The following NPAS4 variants were observed in gnomAD, a reference collection of about 807,000 sequenced individuals.
NPAS4 encodes neuronal PAS domain-containing protein 4.
In NPAS4, 10 loss-of-function variants were observed where a neutral mutation model predicts 64.0. That is an observed-to-expected ratio of 0.16 (90% confidence interval 0.10 to 0.26). NPAS4 has a LOEUF of 0.26. NPAS4 is among the 10% of genes least tolerant of loss of function. The probability of loss-of-function intolerance (pLI) is 1.00; values close to 1 mark genes in which losing one functional copy is unlikely to be tolerated. For missense variants in NPAS4, 886 were observed against 992.6 expected (o/e 0.89, Z 1.44); for synonymous variants, 441 against 411.7 (o/e 1.07, Z -0.86).
rs569596792 is a variant in NPAS4, at chr11:66,422,801, C to T, written c.558C>T (p.Pro186=). 1.2e-6 allele frequency: 2 copies of T among 1,614,202 alleles called. No homozygotes were observed. Among genetic ancestry groups the T allele is most frequent in the South Asian group, 2.2e-5 (2 of 91,088 alleles). Residue 186 remains proline, a synonymous_variant, in exon 4 of 8, where the codon CCC becomes CCT. Transcript: ENST00000311034. ...HPPGAYWAGN[P]VFTAFCAPLE... ...CTGGAGCCTACTGGGCAGGAAATCC[C>T]GTGTTCACAGCTTTCTGTGCCCCTC...
At position 66,424,723 on chromosome 11, in the gene NPAS4, A is replaced by C; in HGVS notation, c.1833A>C (p.Thr611=). Residue 611 remains threonine, a synonymous_variant, in exon 7 of 8, where the codon ACA becomes ACC. Coordinates refer to ENST00000311034, the MANE Select transcript of NPAS4 (RefSeq NM_178864.4). Reference sequence around the variant, plus strand: ...CCCTGGTGCCCGAAGGCCTGCTCACACCTGAGGCCTCTCCAGTCAAGCAGA... The same window carrying C: ...CCCTGGTGCCCGAAGGCCTGCTCACCCCTGAGGCCTCTCCAGTCAAGCAGA... ...DVPLVPEGLL[T]PEASPVKQSF... 1 of 1,613,404 alleles carries C rather than the reference A, an allele frequency of 6.2e-7. No homozygotes were observed. The highest frequency in any genetic ancestry group is 8.5e-7 in the Non-Finnish European group (1 of 1,179,734).
chr11:66,409,303 A>G, the NPAS4 span: 1 of 135,510 alleles, frequency 7.4e-6, no homozygotes, highest in Non-Finnish European at 1.6e-5. Context: ...CTATGGAGAC[A>G]TTTCAACCAG....
rs1590694568 is a variant in NPAS4, at chr11:66,422,913, G to A, written c.670G>A (p.Asp224Asn). The change falls in exon 4 of 8, where the codon GAC (aspartate) becomes AAC (asparagine). Residue 224 changes from aspartate to asparagine, a missense_variant. By Grantham distance (23) the Asp-to-Asn change is conservative (BLOSUM62 1). This residue lies in a region of NPAS4 where 820 missense variants were observed against 855.5 expected (regional missense o/e 0.96). Transcript: ENST00000311034. Reference protein sequence around the residue: ...LAMFQSRHAKDLALLDISESV... With the variant: ...LAMFQSRHAKNLALLDISESV... ...CATGTTCCAGAGCCGCCATGCTAAA[G>A]ACCTGGCTCTACTGGACATCTCCGA... 6.2e-7 allele frequency: 1 copy of A among 1,607,252 alleles called. No individual in the cohort carries two copies. Among genetic ancestry groups the A allele is most frequent in the African/African-American group, 1.3e-5 (1 of 74,936 alleles).
At position 66,426,133 on chromosome 11, in the gene NPAS4, G is replaced by T. The variant is rs564057244; in HGVS notation, c.*144G>T. On this transcript the variant is annotated 3_prime_UTR_variant, in exon 8 of 8. Transcript: ENST00000311034. ...TCCCCAGGCCCTGCAGGATTTTGGG[G>T]GGGGGGAGGTGGGAGGGCAAGGGAG... The T allele has an allele frequency of 1.5e-5, 7 of 471,922 alleles. No individual in the cohort carries two copies. The highest frequency in any genetic ancestry group is 2.1e-5 in the South Asian group (1 of 47,538). The allele number at this position is 471,922 out of a possible 1,614,324, so 29.2% of individuals were successfully genotyped here.
Position 66,424,906 on chromosome 11 carries a change from G to C in NPAS4, c.2016G>C (p.Leu672=). Residue 672 remains leucine, a synonymous_variant, in exon 7 of 8, where the codon CTG becomes CTC. Coordinates refer to ENST00000311034, the MANE Select transcript of NPAS4 (RefSeq NM_178864.4). ...GACTGGAGCCCCTGGACTCCAACCTGTCCCTGTCAGGGGCAGGCCCCCCTG... is the reference window on the plus strand; with the variant it reads ...GACTGGAGCCCCTGGACTCCAACCTCTCCCTGTCAGGGGCAGGCCCCCCTG... The part of the protein sequence containing the change: ...LGGLEPLDSN[L]SLSGAGPPVL... 6.2e-7 allele frequency: 1 copy of C among 1,613,862 alleles called. No homozygotes were observed. Among genetic ancestry groups the C allele is most frequent in the Admixed American group, 1.7e-5 (1 of 59,996 alleles).
chr11:66,422,440 C>T lies in NPAS4; in HGVS notation c.328-11C>T. The T allele has an allele frequency of 6.3e-7, 1 of 1,599,430 alleles. No homozygotes were observed. Among genetic ancestry groups the T allele is most frequent in the Non-Finnish European group, 8.6e-7 (1 of 1,166,674 alleles). On this transcript the variant is annotated splice_polypyrimidine_tract_variant and intron_variant, in intron 2 of 7. Coordinates refer to ENST00000311034, the MANE Select transcript of NPAS4 (RefSeq NM_178864.4). ...CTCCCTAATGGTCATCTCTTCTTTTCCTCCCTCCAGGTGGACCTGGTTGCC... is the reference window on the plus strand; with the variant it reads ...CTCCCTAATGGTCATCTCTTCTTTTTCTCCCTCCAGGTGGACCTGGTTGCC...
chr11:66,421,253 A>T lies in NPAS4; in HGVS notation c.74A>T (p.Glu25Val), dbSNP rs780877266. The T allele has an allele frequency of 3.7e-6, 6 of 1,613,996 alleles. No homozygotes were observed. The South Asian group carries it at 5.5e-5, about 15-fold the overall frequency. The change falls in exon 1 of 8, where the codon GAG (glutamate) becomes GTG (valine). Residue 25 changes from glutamate (E) to valine (V), a missense_variant. By Grantham distance (121) the Glu-to-Val change is moderately radical (BLOSUM62 -2). This residue lies in a region of NPAS4 where 38 missense variants were observed against 80.1 expected (regional missense o/e 0.47). Coordinates refer to ENST00000311034, the MANE Select transcript of NPAS4 (RefSeq NM_178864.4). ...AACGCCGAGATCCGGAACCTCAAGG[A>T]GCTGCTGCCGCTGGCCGAAGCGGAC... Reference protein sequence around the residue: ...QINAEIRNLKELLPLAEADKV... With the variant: ...QINAEIRNLKVLLPLAEADKV...
In NPAS4 at chr11:66,425,196, C is replaced by A; in HGVS notation, c.2306C>A (p.Ser769Ter). ...TYETAFETGVSAFPYDGFTDE... is the reference protein window; with the variant it reads ...TYETAFETGV Reference sequence around the variant, plus strand: ...GAAACCGCCTTTGAGACAGGTGTCTCAGCATTCCCCTATGATGGGTTTACT... The same window carrying A: ...GAAACCGCCTTTGAGACAGGTGTCTAAGCATTCCCCTATGATGGGTTTACT... Residue 769 changes from serine to a stop codon, truncating the protein, a stop_gained, in exon 7 of 8, where the codon TCA (serine) becomes TAA (stop). Coordinates refer to ENST00000311034, the MANE Select transcript of NPAS4 (RefSeq NM_178864.4). LOFTEE classifies it high-confidence loss of function. The A allele has an allele frequency of 6.4e-7, 1 of 1,571,034 alleles. No individual in the cohort carries two copies.
At chr11:66,418,857 A>G (rs919201791), upstream of NPAS4, among the ~76,000 whole-genome samples, 1 of 152,140 alleles carries the variant, frequency 6.6e-6, no homozygotes, top group Non-Finnish European at 1.5e-5. Flanking sequence ...CATGACTTCC[A>G]TGGTGACTCT....
intron 2 of NPAS4, 30 bp downstream of exon 2, chr11:66,422,301 C>G (rs1285222517): frequency 6.2e-7 from 1 of 1,612,010 alleles, no homozygotes; most frequent in Non-Finnish European, 8.5e-7. Context: ...TCAGCTGAGG[C>G]TGGGCATGGA....
Position 66,421,140 on chromosome 11 carries a change from G to T in NPAS4, c.-40G>T. On this transcript the variant is annotated 5_prime_UTR_variant, in exon 1 of 8. Transcript: ENST00000311034. ...CCGGTGCGTCGGGACGGGAGCGCAG[G>T]TGCTCGGGCACCCGAGCTGGAGCTC... The T allele has an allele frequency of 1.3e-6, 2 of 1,549,464 alleles. No homozygotes were observed. The highest frequency in any genetic ancestry group is 1.7e-6 in the Non-Finnish European group (2 of 1,143,370).
Position 66,422,291 on chromosome 11 carries a change from T to G in NPAS4, c.327+20T>G. On this transcript the variant is annotated intron_variant, in intron 2 of 7. Transcript: ENST00000311034. Reference sequence around the variant, plus strand: ...TCCATGGTGAGTGCTAAGGGTCCTTTCAGCTGAGGCTGGGCATGGAGTGGG... The same window carrying G: ...TCCATGGTGAGTGCTAAGGGTCCTTGCAGCTGAGGCTGGGCATGGAGTGGG... 1 of 1,613,408 alleles carries G rather than the reference T, an allele frequency of 6.2e-7. No homozygotes were observed. Among genetic ancestry groups the G allele is most frequent in the South Asian group, 1.1e-5 (1 of 91,084 alleles).
the NPAS4 span, among the ~76,000 whole-genome samples, chr11:66,413,408 G>C: frequency 6.6e-6 from 1 of 152,232 alleles, no homozygotes; most frequent in Non-Finnish European, 1.5e-5. Context: ...ACAGGCTGGA[G>C]GGCTTACCAG....
chr11:66,412,883 C>T, the NPAS4 span, among the ~76,000 whole-genome samples: 1 of 152,374 alleles, frequency 6.6e-6, no homozygotes, highest in Non-Finnish European at 1.5e-5. Flanking sequence ...GTCTCTCCCA[C>T]TGCCTCTTGA....
At chr11:66,412,611 A>T in the NPAS4 span, among the ~76,000 whole-genome samples, 5 of 152,238 alleles carry the variant, frequency 3.3e-5, no homozygotes, top group Non-Finnish European at 7.3e-5. Context: ...TGCTCCTTTT[A>T]TGCATCAGGC....
In NPAS4 at chr11:66,424,031, C is replaced by A. The variant is rs570079157; in HGVS notation, c.1141C>A (p.Leu381Met). Reference protein sequence around the residue: ...RSTSFPSAPELSVVSASEELP... With the variant: ...RSTSFPSAPEMSVVSASEELP... ...CACCAGCTTCCCCAGTGCTCCTGAA[C>A]TGAGTGTTGTCTCTGCATCAGAAGA... Residue 381 changes from leucine (L) to methionine (M), a missense_variant, in exon 7 of 8, where the codon CTG (leucine) becomes ATG (methionine). Transcript: ENST00000311034. The A allele has an allele frequency of 3.7e-6, 6 of 1,614,182 alleles. No individual in the cohort carries two copies. In the African/African-American group the frequency reaches 8.0e-5, roughly 22 times the overall value.
In NPAS4 at chr11:66,424,395, C is replaced by T; in HGVS notation, c.1505C>T (p.Thr502Ile). 6.2e-7 allele frequency: 1 copy of T among 1,614,090 alleles called. No individual in the cohort carries two copies. Among genetic ancestry groups the T allele is most frequent in the Non-Finnish European group, 8.5e-7 (1 of 1,179,986 alleles). Residue 502 changes from threonine (T) to isoleucine (I), a missense_variant, in exon 7 of 8, where the codon ACT becomes ATT. Physicochemically the swap from Thr to Ile is moderately conservative, Grantham distance 89. This residue lies in a region of NPAS4 where 820 missense variants were observed against 855.5 expected (regional missense o/e 0.96). Transcript: ENST00000311034. ...TSVRSYEDQL[T>I]PCTSTFPDQL... The stretch of plus-strand genomic sequence containing the variant: ...GTCAGAAGCTATGAAGACCAGTTGA[C>T]TCCCTGCACCTCCACCTTCCCAGAC...
chr11:66,424,350 G>A lies in NPAS4; in HGVS notation c.1460G>A (p.Gly487Asp). Reference protein sequence around the residue: ...FPDPLTSPLQGQLTETSVRSY... With the variant: ...FPDPLTSPLQDQLTETSVRSY... ...GATCCACTAACTAGCCCACTGCAAG[G>A]CCAGTTGACTGAAACCTCGGTCAGA... Residue 487 changes from glycine (G) to aspartate (D), a missense_variant, in exon 7 of 8, where the codon GGC (glycine) becomes GAC (aspartate). Transcript: ENST00000311034. 2 of 1,614,042 alleles carry A rather than the reference G, an allele frequency of 1.2e-6. No homozygotes were observed. Among genetic ancestry groups the A allele is most frequent in the South Asian group, 2.2e-5 (2 of 91,078 alleles).
upstream of NPAS4, among the ~76,000 whole-genome samples, chr11:66,420,706 G>C (rs544835734): frequency 6.6e-6 from 1 of 152,166 alleles, no homozygotes; most frequent in African/African-American, 2.4e-5. Flanking sequence ...TGGCCCTGTC[G>C]CTTCCCTCAA....
Sources: gnomAD v4.1 joint callset for allele counts (sites outside exome capture counted in the v4.1 genomes callset) on GRCh38, gnomAD v4.1.1 for gene constraint, gnomAD v4.1.1 regional missense constraint, MANE v1.5 for transcripts, NCBI Gene and HGNC (gene_info 2026-07-23, HGNC 2026-07-21) for gene names.